The following TM9SF1 variants were observed in gnomAD, a reference collection of about 807,000 sequenced individuals.
The protein encoded by TM9SF1 is transmembrane 9 superfamily member 1, also known as MP70 protein family member.
Under a neutral mutation model 52.4 loss-of-function variants are expected in TM9SF1, and 25 were observed. The observed-to-expected ratio is 0.48, with a 90% CI of 0.35 to 0.67. The LOEUF is 0.67. Among genes scored for constraint, TM9SF1 ranks in the 30% least tolerant of loss-of-function variants. The probability of loss-of-function intolerance (pLI) is 0.01; values close to 1 mark genes in which losing one functional copy is unlikely to be tolerated. For synonymous variants in TM9SF1, 284 were observed against 299.8 expected (o/e 0.95, Z 0.55); for missense variants, 604 against 780.3 (o/e 0.77, Z 2.69).
Position 24,192,816 on chromosome 14 carries a change from G to A in TM9SF1, c.799C>T (p.Arg267Trp), listed in dbSNP as rs774945508. ...LMRVLRNDLA[R>W]YNLDEETTSA... ...GTGGTCTCCTCATCTAAGTTGTACCGAGCCAGGTCATTCCGAAGCACACGC... is the reference window on the plus strand; with the variant it reads ...GTGGTCTCCTCATCTAAGTTGTACCAAGCCAGGTCATTCCGAAGCACACGC... The change falls in exon 3 of 6, where the codon CGG becomes TGG. Residue 267 changes from arginine to tryptophan, a missense_variant. Physicochemically the swap from Arg to Trp is moderately radical, Grantham distance 101. Around this residue, in one of 3 missense-constraint regions of TM9SF1, gnomAD observed 450 missense variants for 560.1 expected, o/e 0.80. Coordinates refer to ENST00000261789, the MANE Select transcript of TM9SF1 (RefSeq NM_006405.7). The surrounding 1 kb of genome is among the most constrained non-coding windows in gnomAD (Gnocchi z 4.0). 1.4e-5 allele frequency: 22 copies of A among 1,613,834 alleles called. No individual in the cohort carries two copies. Among genetic ancestry groups the A allele is most frequent in the Admixed American group, 1.7e-5 (1 of 59,990 alleles).
Position 24,189,387 on chromosome 14 carries a change from G to C in TM9SF1, c.*28C>G, listed in dbSNP as rs2039281444. On this transcript the variant is annotated 3_prime_UTR_variant, in exon 6 of 6. Coordinates refer to ENST00000261789, the MANE Select transcript of TM9SF1 (RefSeq NM_006405.7). ...TCAACAGGGCATGAAGAAAGGGAGA[G>C]AACAGCAATAGTTCTGCCATACAGA... 2 of 1,587,534 alleles carry C rather than the reference G, an allele frequency of 1.3e-6. No homozygotes were observed. The highest frequency in any genetic ancestry group is 4.5e-5 in the East Asian group (2 of 44,610).
In TM9SF1 at chr14:24,189,317, C is replaced by T. The variant is rs944300897; in HGVS notation, c.*98G>A. The stretch of plus-strand genomic sequence containing the variant: ...AAGGGCAAAAGGGAAGGCAACAATG[C>T]CATCACACAATTCAGTCAATCAGAA... On this transcript the variant is annotated 3_prime_UTR_variant, in exon 6 of 6. Transcript: ENST00000261789. 4.0e-5 allele frequency: 54 copies of T among 1,361,878 alleles called. No individual in the cohort carries two copies. The highest frequency in any genetic ancestry group is 2.2e-4 in the Middle Eastern group (1 of 4,612). The allele number at this position is 1,361,878 out of a possible 1,614,324, so 84.4% of individuals were successfully genotyped here.
chr14:24,194,909 C>T lies in TM9SF1; in HGVS notation c.111G>A (p.Lys37=). 1.2e-6 allele frequency: 2 copies of T among 1,614,240 alleles called. No individual in the cohort carries two copies. The highest frequency in any genetic ancestry group is 1.7e-6 in the Non-Finnish European group (2 of 1,180,052). The change falls in exon 2 of 6, where the codon AAG becomes AAA. Residue 37 remains lysine (K), a synonymous_variant. Transcript: ENST00000261789. ...GPGVEGVTHY[K]AGDPVILYVN... ...CATACAGAATAACAGGGTCGCCGGC[C>T]TTGTAGTGTGTCACGCCTTCCACCC...
chr14:24,194,272 A>G (rs1330440337), intron 2 of TM9SF1, among the ~76,000 whole-genome samples: 1 of 152,216 alleles, frequency 6.6e-6, no homozygotes, highest in Non-Finnish European at 1.5e-5. Context: ...GAGAAGTACC[A>G]GGATTCACTA....
chr14:24,190,408 T>C lies in TM9SF1; in HGVS notation c.1399A>G (p.Met467Val), dbSNP rs751728128. 14 of 1,600,568 alleles carry C rather than the reference T, an allele frequency of 8.7e-6. No homozygotes were observed. The highest frequency in any genetic ancestry group is 2.2e-5 in the South Asian group (2 of 89,594). The change falls in exon 5 of 6, where the codon ATG becomes GTG. Residue 467 changes from methionine (M) to valine (V), a missense_variant. Physicochemically the swap from Met to Val is conservative, Grantham distance 21. Transcript: ENST00000261789. ...QPWYKSTVIHMTVGGFLPFSA... is the reference protein window; with the variant it reads ...QPWYKSTVIHVTVGGFLPFSA... ...AAAGGCAGGAAGCCTCCAACAGTCA[T>C]GTGGATGACAGTAGACTTGTACCAG...
chr14:24,192,905 A>G lies in TM9SF1; in HGVS notation c.710T>C (p.Leu237Ser). Residue 237 changes from leucine to serine, a missense_variant, in exon 3 of 6, where the codon TTG (leucine) becomes TCG (serine). Transcript: ENST00000261789. This position sits in a 1 kb window ranked among gnomAD's most constrained non-coding sequence, Gnocchi z 4.0. ...AAGCACCATGGAGTTGATGATGGAC[A>G]ACCAATGGATTTCCAGTGTTCGAGG... Reference protein sequence around the residue: ...FFPRTLEIHWLSIINSMVLVF... With the variant: ...FFPRTLEIHWSSIINSMVLVF... The G allele has an allele frequency of 1.2e-6, 2 of 1,614,170 alleles. No homozygotes were observed. The highest frequency in any genetic ancestry group is 1.7e-6 in the Non-Finnish European group (2 of 1,180,004).
rs759681974 is a variant in TM9SF1, at chr14:24,190,535, A to G, written c.1272T>C (p.Phe424=). Residue 424 remains phenylalanine, a synonymous_variant, in exon 5 of 6, where the codon TTT becomes TTC. Coordinates refer to ENST00000261789, the MANE Select transcript of TM9SF1 (RefSeq NM_006405.7). ...AGATGCCTCCAATGACAGTGAGGGG[A>G]AAGCCCACCAGCAGCCAAACCGTCA... is the stretch of plus-strand genomic sequence containing the variant. ...LLLTVWLLVG[F]PLTVIGGIFG... is the part of the protein sequence containing the mutation. 6.2e-7 allele frequency: 1 copy of G among 1,614,062 alleles called. No homozygotes were observed. The highest frequency in any genetic ancestry group is 1.3e-5 in the African/African-American group (1 of 74,912).
rs149257011 is a variant in TM9SF1 at position 24,189,460 on chromosome 14, G to C, written c.1776C>G (p.Ser592=). 775 of 1,613,950 alleles carry C rather than the reference G, an allele frequency of 4.8e-4. No homozygotes were observed. Among genetic ancestry groups the C allele is most frequent in the Non-Finnish European group, 6.1e-4 (717 of 1,179,962 alleles). The part of the protein sequence containing the change: ...LMLGTISFFS[S]LKFIRYIYVN... ...CATAGATATACCGGATGAACTTTAG[G>C]GAAGAAAAAAAGGAGATGGTGCCCA... Residue 592 remains serine, a synonymous_variant, in exon 6 of 6, where the codon TCC becomes TCG. Transcript: ENST00000261789.
chr14:24,192,469 C>G lies in TM9SF1; in HGVS notation c.968-113G>C. 7.2e-7 allele frequency: 1 copy of G among 1,392,956 alleles called. No individual in the cohort carries two copies. The highest frequency in any genetic ancestry group is 9.8e-7 in the Non-Finnish European group (1 of 1,025,332). The allele number at this position is 1,392,956 out of a possible 1,614,324, so 86.3% of individuals were successfully genotyped here. Reference sequence around the variant, plus strand: ...CCCAGGGCCTCCAGCAAAACAATCTCCCCCAGTTTTGCTATCCAGAAAATC... The same window carrying G: ...CCCAGGGCCTCCAGCAAAACAATCTGCCCCAGTTTTGCTATCCAGAAAATC... On this transcript the variant is annotated intron_variant, in intron 3 of 5. Transcript: ENST00000261789. This position sits in a 1 kb window ranked among gnomAD's most constrained non-coding sequence, Gnocchi z 4.0.
At chr14:24,190,322 C>T (rs777562784) in intron 5 of TM9SF1, 58 bp downstream of exon 5, 1 of 1,530,404 alleles carries the variant, frequency 6.5e-7, no homozygotes, top group South Asian at 1.3e-5. Flanking sequence ...TGAGTAGGGA[C>T]AGGAAAAATT....
At chr14:24,194,633 T>C (rs890704063) in intron 2 of TM9SF1, 42 bp downstream of exon 2, 1 of 1,563,156 alleles carries the variant, frequency 6.4e-7, no homozygotes, top group Non-Finnish European at 8.8e-7. Context: ...TGTTAGTCTC[T>C]GGGAAGGAGG....
Position 24,192,968 on chromosome 14 carries a change from C to T in TM9SF1, c.647G>A (p.Arg216Gln), listed in dbSNP as rs201772829. ...ATCGTCACCACGGCGCCTGTCACTC[C>T]GACGCTCCACTGAAGTCTCAGACCA... Reference protein sequence around the residue: ...VRWSETSVERRSDRRRGDDGG... With the variant: ...VRWSETSVERQSDRRRGDDGG... Residue 216 changes from arginine to glutamine, a missense_variant, in exon 3 of 6, where the codon CGG becomes CAG. Physicochemically the swap from Arg to Gln is conservative, Grantham distance 43. Around this residue, in one of 3 missense-constraint regions of TM9SF1, gnomAD observed 450 missense variants for 560.1 expected, o/e 0.80. Transcript: ENST00000261789. The surrounding 1 kb of genome is among the most constrained non-coding windows in gnomAD (Gnocchi z 4.0). 6 of 1,613,914 alleles carry T rather than the reference C, an allele frequency of 3.7e-6. No homozygotes were observed. The highest frequency in any genetic ancestry group is 2.7e-5 in the African/African-American group (2 of 74,912).
Position 24,194,997 on chromosome 14 carries a change from C to A in TM9SF1, c.23G>T (p.Arg8Leu), listed in dbSNP as rs1425940960. The stretch of plus-strand genomic sequence containing the variant: ...TGGCAACCACTGGCAGCTCCAACTT[C>A]GAGGGTTCCCTACGACTGTCATCCT... MTVVGNP[R>L]SWSCQWLPIL... The change falls in exon 2 of 6, where the codon CGA becomes CTA. Residue 8 changes from arginine to leucine, a missense_variant. Arg to Leu is a moderately radical substitution (Grantham distance 102, BLOSUM62 -2). This residue lies in a region of TM9SF1 where 47 missense variants were observed against 39.7 expected (regional missense o/e 1.18). Transcript: ENST00000261789. The A allele has an allele frequency of 2.5e-6, 4 of 1,613,998 alleles. No individual in the cohort carries two copies. In the Admixed American group the frequency reaches 6.7e-5, roughly 27 times the overall value.
chr14:24,192,468 TC>T lies in TM9SF1; in HGVS notation c.968-113del. 1.4e-6 allele frequency: 2 copies of T among 1,393,388 alleles called. No individual in the cohort carries two copies. Among genetic ancestry groups the T allele is most frequent in the Non-Finnish European group, 9.7e-7 (1 of 1,026,416 alleles). The allele number at this position is 1,393,388 out of a possible 1,614,324, so 86.3% of individuals were successfully genotyped here. A position where few individuals can be genotyped will look rare whatever the true frequency, so the allele number is the denominator to read the frequency against. ...ACCCAGGGCCTCCAGCAAAACAATC[TC>T]CCCCAGTTTTGCTATCCAGAAAATC... is the stretch of plus-strand genomic sequence containing the variant. On this transcript the variant is annotated intron_variant, in intron 3 of 5. Coordinates refer to ENST00000261789, the MANE Select transcript of TM9SF1 (RefSeq NM_006405.7). This position sits in a 1 kb window ranked among gnomAD's most constrained non-coding sequence, Gnocchi z 4.0.
intron 4 of TM9SF1, chr14:24,191,624 G>C (rs1213665224): frequency 6.5e-6 from 1 of 152,876 alleles, no homozygotes; most frequent in African/African-American, 2.4e-5. Flanking sequence ...CTGTGGAATG[G>C]AAATATTACC....
intron 4 of TM9SF1, among the ~76,000 whole-genome samples, 198 bp from the exon 5 acceptor site, chr14:24,190,851 GTTTTTTTTT>G (rs150852398): frequency 1.5e-5 from 1 of 65,434 alleles, no homozygotes; most frequent in Non-Finnish European, 2.6e-5. Flanking sequence ...TTTGTTCTGT[GTTTTTTTTT>G]TTTTTTTTTT....
rs748878938 is a variant in TM9SF1, at chr14:24,192,957, G to A, written c.658C>T (p.Arg220Cys). 2.5e-6 allele frequency: 4 copies of A among 1,614,050 alleles called. No homozygotes were observed. Among genetic ancestry groups the A allele is most frequent in the Middle Eastern group, 1.7e-4 (1 of 6,060 alleles). ...AAGAAACCACCATCGTCACCACGGC[G>A]CCTGTCACTCCGACGCTCCACTGAA... Reference protein sequence around the residue: ...ETSVERRSDRRRGDDGGFFPR... With the variant: ...ETSVERRSDRCRGDDGGFFPR... The change falls in exon 3 of 6, where the codon CGC (arginine) becomes TGC (cysteine). Residue 220 changes from arginine (R) to cysteine (C), a missense_variant. Around this residue, in one of 3 missense-constraint regions of TM9SF1, gnomAD observed 450 missense variants for 560.1 expected, o/e 0.80. Coordinates refer to ENST00000261789, the MANE Select transcript of TM9SF1 (RefSeq NM_006405.7). The surrounding 1 kb of genome is among the most constrained non-coding windows in gnomAD (Gnocchi z 4.0).
chr14:24,194,911 TGTA>T lies in TM9SF1; in HGVS notation c.106_108del (p.Tyr36del). 2 of 1,614,216 alleles carry T rather than the reference TGTA, an allele frequency of 1.2e-6. No individual in the cohort carries two copies. The highest frequency in any genetic ancestry group is 1.7e-6 in the Non-Finnish European group (2 of 1,180,044). On this transcript the variant is annotated inframe_deletion, in exon 2 of 6. Coordinates refer to ENST00000261789, the MANE Select transcript of TM9SF1 (RefSeq NM_006405.7). ...TACAGAATAACAGGGTCGCCGGCCT[TGTA>T]GTGTGTCACGCCTTCCACCCCTGGC...
At position 24,195,023 on chromosome 14, in the gene TM9SF1, T is replaced by C. The variant is rs767600241; in HGVS notation, c.-4A>G. On this transcript the variant is annotated 5_prime_UTR_variant, in exon 2 of 6. Transcript: ENST00000261789. ...GAGGGTTCCCTACGACTGTCATCCT[T>C]AAGGCAGTGGAACCTGTTTGGGGGA... The C allele has an allele frequency of 1.9e-6, 3 of 1,611,436 alleles. No homozygotes were observed. Among genetic ancestry groups the C allele is most frequent in the Non-Finnish European group, 2.5e-6 (3 of 1,178,072 alleles).
Sources: gnomAD v4.1 joint callset for allele counts (sites outside exome capture counted in the v4.1 genomes callset) on GRCh38, gnomAD v4.1.1 for gene constraint, gnomAD v4.1.1 regional missense constraint, Gnocchi (gnomAD v3.1) non-coding constraint, MANE v1.5 for transcripts, NCBI Gene and HGNC (gene_info 2026-07-23, HGNC 2026-07-21) for gene names.